The following VAV3 variants were observed in gnomAD, a reference collection of about 807,000 sequenced individuals.
VAV3 encodes vav guanine nucleotide exchange factor 3.
A neutral mutation model predicts 131.2 loss-of-function variants in VAV3; 94 were observed. That is an observed-to-expected ratio of 0.72 (90% confidence interval 0.61 to 0.85). The LOEUF is 0.85. Among genes scored for constraint, VAV3 ranks in the 40% least tolerant of loss-of-function variants. The pLI is 0.00. For missense variants in VAV3, 939 were observed against 1,002.7 expected (o/e 0.94, Z 0.86); for synonymous variants, 349 against 342.0 (o/e 1.02, Z -0.22).
chr1:107,858,551 ATCAGCAAGGGCAT>A (rs1288632939), intron 2 of VAV3, among the ~76,000 whole-genome samples: 1 of 152,198 alleles, frequency 6.6e-6, no homozygotes, highest in African/African-American at 2.4e-5. Context: ...CTAGAGTCAG[ATCAGCAAGGGCAT>A]TCGATTCTCA....
In VAV3 at chr1:107,794,971, T is replaced by C. The variant is rs1485696148; in HGVS notation, c.322-15479A>G. On this transcript the variant is annotated intron_variant, in intron 2 of 26. Transcript: ENST00000370056. Reference sequence around the variant, plus strand: ...ATTGTTCTCTGACGGTTTTTCATTGTTATTTCATTTCAGCTTAACCTCAGA... The same window carrying C: ...ATTGTTCTCTGACGGTTTTTCATTGCTATTTCATTTCAGCTTAACCTCAGA... Among the ~76,000 whole-genome samples the C allele has an allele frequency of 2.6e-5, 4 of 152,214 alleles. No homozygotes were observed. In the East Asian group the frequency reaches 7.7e-4, roughly 29 times the overall value.
intron 2 of VAV3, among the ~76,000 whole-genome samples, chr1:107,824,709 T>C (rs1415454398): frequency 2.0e-5 from 3 of 152,148 alleles, no homozygotes; most frequent in Non-Finnish European, 4.4e-5. Context: ...TTTCAATATA[T>C]TAATTGTAAA....
intron 20 of VAV3, among the ~76,000 whole-genome samples, chr1:107,640,506 C>G (rs1655264289): frequency 6.6e-6 from 1 of 152,034 alleles, no homozygotes; most frequent in African/African-American, 2.4e-5. Context: ...GGAGGGATTA[C>G]CAAGGGGCAC....
intron 26 of VAV3, among the ~76,000 whole-genome samples, chr1:107,573,748 T>C (rs1649413746): frequency 6.6e-6 from 1 of 152,190 alleles, no homozygotes; most frequent in Non-Finnish European, 1.5e-5. Flanking sequence ...ACACATAAAG[T>C]TTAGCTCTAT....
chr1:107,769,353 A>T (rs905329321), intron 6 of VAV3, among the ~76,000 whole-genome samples: 1 of 152,184 alleles, frequency 6.6e-6, no homozygotes, highest in Non-Finnish European at 1.5e-5. Flanking sequence ...CGATCGTCTA[A>T]TTTTCAATAT....
In VAV3 at chr1:107,642,768, C is replaced by T. The variant is rs1655443833; in HGVS notation, c.1778-13G>A. On this transcript the variant is annotated splice_polypyrimidine_tract_variant and intron_variant, in intron 19 of 26. Transcript: ENST00000370056. ...ATCTTTGGTAAACCTGAAAATAAGC[C>T]AAACAAGTTTTAGAATTGAGAAAAC... The T allele has an allele frequency of 6.2e-7, 1 of 1,612,666 alleles. No individual in the cohort carries two copies. Among genetic ancestry groups the T allele is most frequent in the Non-Finnish European group, 8.5e-7 (1 of 1,179,272 alleles).
rs1657636978 is a variant in VAV3 at position 107,669,569 on chromosome 1, T to A, written c.1777+13919A>T. 3 of 1,197,876 alleles carry A rather than the reference T, an allele frequency of 2.5e-6. 1 individual carries two copies. Among genetic ancestry groups the A allele is most frequent in the Non-Finnish European group, 3.2e-6 (3 of 948,782 alleles). 74.2% of individuals were successfully genotyped at this position (1,197,876 alleles called of 1,614,324 possible). On this transcript the variant is annotated intron_variant, in intron 19 of 26. Coordinates refer to ENST00000370056, the MANE Select transcript of VAV3 (RefSeq NM_006113.5). ...TCTTTGATACTCGGTAGCTGATGGT[T>A]GTAAATAAAGGTAGACTAGAGCCTC...
chr1:107,846,949 C>T (rs559753212), intron 2 of VAV3, among the ~76,000 whole-genome samples: 4 of 152,154 alleles, frequency 2.6e-5, no homozygotes, highest in Non-Finnish European at 5.9e-5. Flanking sequence ...AACTCTCCAC[C>T]CTATAATCAA....
intron 4 of VAV3, 70 bp from the exon 5 acceptor site, chr1:107,772,913 C>A: frequency 7.7e-7 from 1 of 1,299,306 alleles, no homozygotes; most frequent in Non-Finnish European, 1.1e-6. Flanking sequence ...AAATAGCCTA[C>A]TGGATTTTAG....
chr1:107,734,413 C>G (rs1662458421), intron 15 of VAV3, among the ~76,000 whole-genome samples: 1 of 152,114 alleles, frequency 6.6e-6, no homozygotes, highest in African/African-American at 2.4e-5. Flanking sequence ...CACAGACTGT[C>G]AAATAGGATA....
chr1:107,833,555 AT>A (rs200046955), intron 2 of VAV3, among the ~76,000 whole-genome samples: 2,182 of 151,864 alleles, frequency 0.014, 57 homozygotes, highest in African/African-American at 0.048. Flanking sequence ...AATTTTAGAA[AT>A]TTTTTTTTCT....
At chr1:107,731,949 T>C (rs1374977531) in intron 15 of VAV3, among the ~76,000 whole-genome samples, 1 of 152,206 alleles carries the variant, frequency 6.6e-6, no homozygotes. Context: ...GGCACCTTTT[T>C]CCTAATTATT....
chr1:107,571,502 C>T lies in VAV3; in HGVS notation c.*1829G>A, dbSNP rs1649257620. The T allele has an allele frequency of 6.6e-6, 1 of 152,528 alleles. No individual in the cohort carries two copies. The highest frequency in any genetic ancestry group is 1.5e-5 in the Non-Finnish European group (1 of 68,022). 9.4% of individuals were successfully genotyped at this position (152,528 alleles called of 1,614,324 possible). A position where few individuals can be genotyped will look rare whatever the true frequency, so the allele number is the denominator to read the frequency against. On this transcript the variant is annotated 3_prime_UTR_variant, in exon 27 of 27. Transcript: ENST00000370056. ...TGACTAAAATAAACAATACATGCTA[C>T]AATACCATCCACAGGAGTGTTTCTG...
intron 2 of VAV3, among the ~76,000 whole-genome samples, chr1:107,788,880 T>C (rs1278316844): frequency 6.6e-6 from 1 of 152,216 alleles, no homozygotes; most frequent in Non-Finnish European, 1.5e-5. Flanking sequence ...GCTACAAAGA[T>C]TACATGGCAA....
In VAV3 at chr1:107,812,709, G is replaced by C. The variant is rs1411747164; in HGVS notation, c.322-33217C>G. 2.6e-5 allele frequency among the ~76,000 whole-genome samples: 4 copies of C among 152,106 alleles called. No homozygotes were observed. In the East Asian group the frequency reaches 7.7e-4, roughly 29 times the overall value. ...TCCCATTCAGTTAATCATCAACCAA[G>C]AACCTATTAGGGGTCAAGCACTAGG... On this transcript the variant is annotated intron_variant, in intron 2 of 26. Coordinates refer to ENST00000370056, the MANE Select transcript of VAV3 (RefSeq NM_006113.5).
chr1:107,626,684 C>T (rs1654041161), intron 20 of VAV3, among the ~76,000 whole-genome samples: 1 of 152,096 alleles, frequency 6.6e-6, no homozygotes, highest in African/African-American at 2.4e-5. Flanking sequence ...AGGATCATTG[C>T]CATGATAAAA....
chr1:107,684,909 A>G (rs1407453212), intron 18 of VAV3, among the ~76,000 whole-genome samples: 1 of 152,226 alleles, frequency 6.6e-6, no homozygotes, highest in African/African-American at 2.4e-5. Context: ...TATAAACAAC[A>G]TCGAACAACA....
chr1:107,623,980 T>C (rs1653799556), intron 20 of VAV3, among the ~76,000 whole-genome samples: 1 of 152,208 alleles, frequency 6.6e-6, no homozygotes, highest in Non-Finnish European at 1.5e-5. Flanking sequence ...CTTCAATTTG[T>C]ATGGGTTTAT....
chr1:107,772,822 T>C lies in VAV3; in HGVS notation c.468A>G (p.Glu156=). 1 of 1,613,646 alleles carries C rather than the reference T, an allele frequency of 6.2e-7. No homozygotes were observed. The highest frequency in any genetic ancestry group is 8.5e-7 in the Non-Finnish European group (1 of 1,179,806). ...DLIDETLVED[E]EDLYDCVYGE... ...CATAAACACAGTCATAGAGATCTTCTTCATCTTCCACAAGGGTTTCACTAC... is the reference window on the plus strand; with the variant it reads ...CATAAACACAGTCATAGAGATCTTCCTCATCTTCCACAAGGGTTTCACTAC... Residue 156 remains glutamate (E), a synonymous_variant, in exon 5 of 27, where the codon GAA becomes GAG. Transcript: ENST00000370056.
Sources: gnomAD v4.1 joint callset for allele counts (sites outside exome capture counted in the v4.1 genomes callset) on GRCh38, gnomAD v4.1.1 for gene constraint, MANE v1.5 for transcripts, NCBI Gene and HGNC (gene_info 2026-07-23, HGNC 2026-07-21) for gene names.